The following DNAH6 variants were observed in gnomAD, a reference collection of about 807,000 sequenced individuals.
DNAH6 encodes the protein dynein axonemal heavy chain 6.
Under a neutral mutation model 491.4 loss-of-function variants are expected in DNAH6, and 340 were observed. The ratio of observed to expected loss-of-function variants is 0.69; its 90% CI spans 0.63 to 0.76. The LOEUF (loss-of-function observed/expected upper bound fraction) is 0.76. Among genes scored for constraint, DNAH6 ranks in the 30% least tolerant of loss-of-function variants. The pLI is 0.00. For synonymous variants in DNAH6, 1,603 were observed against 1,686.1 expected (o/e 0.95, Z 1.21); for missense variants, 4,443 against 4,972.2 (o/e 0.89, Z 3.20).
rs148905804 is a variant in DNAH6 at position 84,543,719 on chromosome 2, AGAGAGATATTAT to A, written c.663-511_663-500del. On this transcript the variant is annotated intron_variant, in intron 4 of 76. Coordinates refer to ENST00000389394, the MANE Select transcript of DNAH6 (RefSeq NM_001370.2). Reference sequence around the variant, plus strand: ...AAGAATGTCCATGACAACAGTTGAAAGAGAGATATTATGAACTAAACAATTTATCAATAATAA... The same window carrying A: ...AAGAATGTCCATGACAACAGTTGAAAGAACTAAACAATTTATCAATAATAA... 2.5e-3 allele frequency among the ~76,000 whole-genome samples: 377 copies of A among 152,292 alleles called. 2 individuals carry two copies. Among genetic ancestry groups the A allele is most frequent in the African/African-American group, 8.2e-3 (340 of 41,572 alleles).
intron 4 of DNAH6, among the ~76,000 whole-genome samples, chr2:84,530,511 A>T (rs1677065055): frequency 6.6e-6 from 1 of 152,174 alleles, no homozygotes; most frequent in Non-Finnish European, 1.5e-5. Context: ...TAAAGGATAT[A>T]TCGTGCAAGA....
chr2:84,799,545 G>A (rs1678681190), intron 70 of DNAH6, among the ~76,000 whole-genome samples: 1 of 152,218 alleles, frequency 6.6e-6, no homozygotes, highest in South Asian at 2.1e-4. Flanking sequence ...TTGTACACTG[G>A]CAGTGCCACT....
Position 84,700,186 on chromosome 2 carries a change from T to C in DNAH6, c.7818+452T>C, listed in dbSNP as rs145499047. Among the ~76,000 whole-genome samples the C allele has an allele frequency of 1.0e-3, 155 of 152,178 alleles. 1 individual carries two copies. The highest frequency in any genetic ancestry group is 3.6e-3 in the African/African-American group (149 of 41,522). ...ATGTAAATGATCCAGAAAAGATAAATATATGGATGATGCAGCATACCGAGT... is the reference window on the plus strand; with the variant it reads ...ATGTAAATGATCCAGAAAAGATAAACATATGGATGATGCAGCATACCGAGT... On this transcript the variant is annotated intron_variant, in intron 48 of 76. Coordinates refer to ENST00000389394, the MANE Select transcript of DNAH6 (RefSeq NM_001370.2).
At chr2:84,655,289 T>C (rs1177895916) in intron 35 of DNAH6, among the ~76,000 whole-genome samples, 1 of 152,132 alleles carries the variant, frequency 6.6e-6, no homozygotes, top group African/African-American at 2.4e-5. Context: ...CTAAGACACA[T>C]TCTAACCTCA....
Position 84,548,295 on chromosome 2 carries a change from T to C in DNAH6, c.1194T>C (p.His398=). The stretch of plus-strand genomic sequence containing the variant: ...TCCTTCTGTTATTCTTAGATTATCA[T>C]AAAGTGCAGAGCAGTGGAAGTTTCA... The part of the protein sequence containing the change: ...DCAFGPFEDY[H]KVQSSGSFIN... Residue 398 remains histidine (H), a synonymous_variant, in exon 8 of 77, where the codon CAT becomes CAC. Transcript: ENST00000389394. 1 of 1,610,260 alleles carries C rather than the reference T, an allele frequency of 6.2e-7. No individual in the cohort carries two copies. Among genetic ancestry groups the C allele is most frequent in the African/African-American group, 1.3e-5 (1 of 74,836 alleles).
intron 10 of DNAH6, among the ~76,000 whole-genome samples, chr2:84,555,906 A>C (rs1194608079): frequency 6.6e-6 from 1 of 152,090 alleles, no homozygotes. Context: ...ACTCCTCTCC[A>C]TCGGGACCTC....
intron 57 of DNAH6, 146 bp from the exon 58 acceptor site, chr2:84,715,414 A>G (rs1697428308): frequency 1.5e-6 from 1 of 648,064 alleles, no homozygotes; most frequent in Non-Finnish European, 2.6e-6. Flanking sequence ...GCCACAGTAC[A>G]CCTAAAGTAT....
intron 64 of DNAH6, among the ~76,000 whole-genome samples, chr2:84,770,293 T>G (rs1675484376): frequency 6.6e-6 from 1 of 152,174 alleles, no homozygotes. Flanking sequence ...ATGTCTGCTT[T>G]TCAACAACAA....
chr2:84,634,664 T>C, intron 30 of DNAH6, 23 bp downstream of exon 30: 1 of 1,484,210 alleles, frequency 6.7e-7, no homozygotes, highest in Non-Finnish European at 8.9e-7. Flanking sequence ...GCAATCGACT[T>C]TCAAGGTAGC....
chr2:84,507,895 C>G, the DNAH6 span, among the ~76,000 whole-genome samples: 3 of 152,302 alleles, frequency 2.0e-5, no homozygotes, highest in East Asian at 1.9e-4. Flanking sequence ...TCTGAACTAG[C>G]CTTGCATCCC....
At chr2:84,483,028 A>G in the DNAH6 span, among the ~76,000 whole-genome samples, 1 of 151,238 alleles carries the variant, frequency 6.6e-6, no homozygotes, top group Non-Finnish European at 1.5e-5. Context: ...TGGTATGATC[A>G]TAGCTCACTG....
At chr2:84,682,350 A>C (rs1244699727) in intron 42 of DNAH6, among the ~76,000 whole-genome samples, 1 of 152,212 alleles carries the variant, frequency 6.6e-6, no homozygotes, top group Non-Finnish European at 1.5e-5. Flanking sequence ...CTGTTTTGAT[A>C]GCTGCTCCTC....
chr2:84,647,732 C>T (rs186881657), intron 33 of DNAH6, among the ~76,000 whole-genome samples: 7 of 152,332 alleles, frequency 4.6e-5, no homozygotes, highest in African/African-American at 1.4e-4. Flanking sequence ...CCCGAGATAA[C>T]TTTGCCATGA....
chr2:84,757,113 T>C (rs1484730375), intron 63 of DNAH6, among the ~76,000 whole-genome samples: 1 of 152,144 alleles, frequency 6.6e-6, no homozygotes, highest in African/African-American at 2.4e-5. Flanking sequence ...TCCAAGCCAT[T>C]TCCACAGCAA....
rs550531826 is a variant in DNAH6, at chr2:84,692,210, G to A, written c.7293-2039G>A. ...TGAATGTGGAATTGATGGAGCACCCGCCAAATGCTATGCACTGTTCTCATA... is the reference window on the plus strand; with the variant it reads ...TGAATGTGGAATTGATGGAGCACCCACCAAATGCTATGCACTGTTCTCATA... On this transcript the variant is annotated intron_variant, in intron 45 of 76. Transcript: ENST00000389394. Among the ~76,000 whole-genome samples the A allele has an allele frequency of 2.2e-4, 34 of 152,090 alleles. 1 individual carries two copies. The highest frequency in any genetic ancestry group is 1.8e-4 in the Non-Finnish European group (12 of 68,022).
chr2:84,727,954 C>T, intron 61 of DNAH6, 52 bp downstream of exon 61: 5 of 1,151,920 alleles, frequency 4.3e-6, no homozygotes, highest in South Asian at 2.7e-5. Flanking sequence ...TGTGTCCCCA[C>T]CCAAATCTCA....
intron 4 of DNAH6, among the ~76,000 whole-genome samples, chr2:84,540,258 A>T (rs567551245): frequency 6.6e-6 from 1 of 152,278 alleles, no homozygotes; most frequent in East Asian, 1.9e-4. Context: ...ATTGAAGAGG[A>T]TGATTTGTGT....
chr2:84,567,572 T>A (rs1033301699), intron 11 of DNAH6, among the ~76,000 whole-genome samples: 4 of 152,162 alleles, frequency 2.6e-5, no homozygotes, highest in Non-Finnish European at 5.9e-5. Context: ...TAATAAATGG[T>A]GCTGGGAGAA....
chr2:84,561,411 G>A (rs1354684218), intron 11 of DNAH6, among the ~76,000 whole-genome samples: 6 of 152,078 alleles, frequency 3.9e-5, no homozygotes, highest in Admixed American at 6.6e-5. Flanking sequence ...AAACTTAAAC[G>A]TTAGACCTAA....
Sources: allele counts gnomAD v4.1 joint callset (sites outside exome capture counted in the v4.1 genomes callset), GRCh38; gene constraint gnomAD v4.1.1; transcripts MANE v1.5; gene names NCBI Gene and HGNC (gene_info 2026-07-23, HGNC 2026-07-21).